Variants in SAMD3 observed in about 807,000 individuals in gnomAD.
The protein encoded by SAMD3 is sterile alpha motif domain-containing protein 3.
A neutral mutation model predicts 58.5 loss-of-function variants in SAMD3; 63 were observed. The observed-to-expected ratio is 1.08, with a 90% confidence interval of 0.88 to 1.33. The LOEUF (loss-of-function observed/expected upper bound fraction) is 1.33. Among genes scored for constraint, SAMD3 ranks in the 40% most tolerant of loss-of-function variants. SAMD3 has a pLI of 0.00. For missense variants in SAMD3, 604 were observed against 608.4 expected (o/e 0.99, Z 0.08); for synonymous variants, 220 against 210.3 (o/e 1.05, Z -0.40).
At chr6:130,152,988 A>G (rs1164935235) in intron 9 of SAMD3, among the ~76,000 whole-genome samples, 1 of 152,200 alleles carries the variant, frequency 6.6e-6, no homozygotes, top group Non-Finnish European at 1.5e-5. Flanking sequence ...CCACACTCCA[A>G]TGAAGACCCC....
intron 1 of SAMD3, among the ~76,000 whole-genome samples, chr6:130,221,009 AC>A (rs1796197981): frequency 6.6e-6 from 1 of 152,012 alleles, no homozygotes; most frequent in Non-Finnish European, 1.5e-5. Flanking sequence ...GCCCACCACC[AC>A]GCCCAGCTAA....
chr6:130,174,993 C>A (rs1285653607), intron 8 of SAMD3, among the ~76,000 whole-genome samples: 1 of 152,150 alleles, frequency 6.6e-6, no homozygotes, highest in Non-Finnish European at 1.5e-5. Context: ...CTTTTATTAT[C>A]CAATAAATAT....
intron 2 of SAMD3, among the ~76,000 whole-genome samples, chr6:130,265,714 G>T (rs1481568767): frequency 6.6e-6 from 1 of 152,034 alleles, no homozygotes; most frequent in Non-Finnish European, 1.5e-5. Context: ...ATAAGATTAA[G>T]AACTGAAGAC....
intron 5 of SAMD3, among the ~76,000 whole-genome samples, chr6:130,199,191 G>T (rs1021992784): frequency 6.6e-6 from 1 of 152,148 alleles, no homozygotes; most frequent in Non-Finnish European, 1.5e-5. Context: ...CCCACCATTG[G>T]GAGAGAAAGC....
At chr6:130,364,163 ATCTT>A (rs1247116253) in intron 1 of SAMD3, among the ~76,000 whole-genome samples, 1 of 152,190 alleles carries the variant, frequency 6.6e-6, no homozygotes, top group Non-Finnish European at 1.5e-5. Context: ...TACTTAGTCT[ATCTT>A]TCTTCTTTTT....
rs377626371 is a variant in SAMD3 at position 130,145,384 on chromosome 6, C to T, written c.1234G>A (p.Val412Ile). 165 of 1,611,656 alleles carry T rather than the reference C, an allele frequency of 1.0e-4. No homozygotes were observed. Among genetic ancestry groups the T allele is most frequent in the Non-Finnish European group, 1.3e-4 (159 of 1,178,462 alleles). ...MTATCLLLPDVFGDDPSLFVI... is the reference protein window; with the variant it reads ...MTATCLLLPDIFGDDPSLFVI... ...AAAAGGCTGGGATCATCCCCAAAAA[C>T]ATCTGGGAGGAGTAAACATGTGGCT... is the stretch of plus-strand genomic sequence containing the variant. Residue 412 changes from valine (V) to isoleucine (I), a missense_variant, in exon 11 of 12, where the codon GTT becomes ATT. Transcript: ENST00000439090.
intron 5 of SAMD3, among the ~76,000 whole-genome samples, chr6:130,197,960 A>C (rs1051254356): frequency 6.6e-6 from 1 of 152,064 alleles, no homozygotes; most frequent in African/African-American, 2.4e-5. Flanking sequence ...TTAACTGATG[A>C]CATTGTCTTG....
chr6:130,260,224 A>C (rs1005825538), intron 2 of SAMD3, among the ~76,000 whole-genome samples: 2 of 152,338 alleles, frequency 1.3e-5, no homozygotes, highest in South Asian at 4.1e-4. Context: ...ACCAGACCCA[A>C]AACCAAGGAA....
In SAMD3 at chr6:130,351,743, G is replaced by C. The variant is rs112248449; in HGVS notation, c.-304+13377C>G. ...TACCCAAAGGATTATAAAACATGCT[G>C]CTCTAAAGACACATGCACACATATG... On this transcript the variant is annotated intron_variant, in intron 1 of 13. Coordinates refer to the SAMD3 transcript ENST00000368134. 7.8e-4 allele frequency among the ~76,000 whole-genome samples: 119 copies of C among 152,232 alleles called. 2 individuals carry two copies. The highest frequency in any genetic ancestry group is 2.7e-3 in the African/African-American group (111 of 41,530).
chr6:130,203,458 T>A lies in SAMD3; in HGVS notation c.383+6037A>T, dbSNP rs1194468540. On this transcript the variant is annotated intron_variant, in intron 5 of 11. Transcript: ENST00000439090. ...ACCCTGGTTATTAGCAGGTTTGACA[T>A]CCTGGACTAATACATATACTTACTG... Among the ~76,000 whole-genome samples, 4 of 152,154 alleles carry A rather than the reference T, an allele frequency of 2.6e-5. No individual in the cohort carries two copies. The South Asian group carries it at 6.2e-4, about 24-fold the overall frequency.
At chr6:130,179,441 T>C (rs1419459274) in intron 7 of SAMD3, among the ~76,000 whole-genome samples, 1 of 152,066 alleles carries the variant, frequency 6.6e-6, no homozygotes, top group Non-Finnish European at 1.5e-5. Context: ...GCCCTGAAAT[T>C]GCAGACCTCC....
At chr6:130,277,755 C>G (rs1774830569) in intron 2 of SAMD3, among the ~76,000 whole-genome samples, 1 of 152,092 alleles carries the variant, frequency 6.6e-6, no homozygotes, top group South Asian at 2.1e-4. Context: ...TTGAAATCAC[C>G]ATTGTAAAAT....
chr6:130,331,285 C>T (rs1334811369), intron 1 of SAMD3, among the ~76,000 whole-genome samples: 2 of 152,166 alleles, frequency 1.3e-5, no homozygotes, highest in African/African-American at 4.8e-5. Context: ...GCAAATAAGA[C>T]ATAAAACAAG....
At chr6:130,274,496 G>A (rs1774702465) in intron 2 of SAMD3, among the ~76,000 whole-genome samples, 1 of 152,134 alleles carries the variant, frequency 6.6e-6, no homozygotes, top group Middle Eastern at 3.2e-3. Flanking sequence ...CTTAGGGTGG[G>A]CTGCTGTTTT....
intron 5 of SAMD3, among the ~76,000 whole-genome samples, chr6:130,207,734 C>T (rs568378352): frequency 8.5e-5 from 13 of 152,322 alleles, no homozygotes; most frequent in Admixed American, 3.3e-4. Flanking sequence ...TTTGCACCTA[C>T]GACATAGCCT....
At chr6:130,247,240 C>G (rs759604744) in intron 2 of SAMD3, among the ~76,000 whole-genome samples, 1 of 152,082 alleles carries the variant, frequency 6.6e-6, no homozygotes, top group African/African-American at 2.4e-5. Flanking sequence ...GAGGCCGAGG[C>G]GGGCGGATCA....
intron 1 of SAMD3, among the ~76,000 whole-genome samples, chr6:130,329,073 C>A (rs1776846383): frequency 6.6e-6 from 1 of 151,836 alleles, no homozygotes; most frequent in Non-Finnish European, 1.5e-5. Context: ...TCTTATCTAT[C>A]ACCTATCTAT....
chr6:130,343,440 T>C (rs1224631449), intron 1 of SAMD3, among the ~76,000 whole-genome samples: 4 of 152,218 alleles, frequency 2.6e-5, no homozygotes, highest in Non-Finnish European at 5.9e-5. Flanking sequence ...AAGAAAGCTA[T>C]ATGTGTCCTA....
At chr6:130,363,025 T>A (rs1449173193) in intron 1 of SAMD3, among the ~76,000 whole-genome samples, 1 of 152,192 alleles carries the variant, frequency 6.6e-6, no homozygotes, top group African/African-American at 2.4e-5. Flanking sequence ...AAGAATAAAG[T>A]CAGAAAGTTC....
Sources: gnomAD v4.1 joint callset for allele counts (sites outside exome capture counted in the v4.1 genomes callset) on GRCh38, gnomAD v4.1.1 for gene constraint, MANE v1.5 for transcripts, NCBI Gene and HGNC (gene_info 2026-07-23, HGNC 2026-07-21) for gene names.